The following ZNF597 variants were observed in gnomAD, a reference collection of about 807,000 sequenced individuals.
ZNF597 encodes zinc finger protein 597.
A neutral mutation model predicts 7.3 loss-of-function variants in ZNF597; 5 were observed. The ratio of observed to expected loss-of-function variants is 0.68; its 90% CI spans 0.36 to 1.44. The LOEUF is 1.44. ZNF597 is among the 40% of genes most tolerant of loss of function. The probability of loss-of-function intolerance (pLI) is 0.04; values close to 1 mark genes in which losing one functional copy is unlikely to be tolerated. For missense variants in ZNF597, 585 were observed against 517.9 expected, an observed-to-expected ratio of 1.13 and a Z score of -1.26; for synonymous variants, 209 against 185.4, an observed-to-expected ratio of 1.13 and a Z score of -1.04.
rs193062759 is a variant in ZNF597, at chr16:3,443,498, A to G, written c.-192T>C. On this transcript the variant is annotated 5_prime_UTR_variant, in exon 1 of 4. Transcript: ENST00000301744. The stretch of plus-strand genomic sequence containing the variant: ...TGCTCCTTTACGCAGGAGCTGCGGG[A>G]AAAGCCGCCGGAAGCGACCCGCCCT... The G allele has an allele frequency of 5.9e-6, 3 of 505,374 alleles. No homozygotes were observed. In the East Asian group the frequency reaches 1.0e-4, roughly 17 times the overall value. 31.3% of individuals were successfully genotyped at this position (505,374 alleles called of 1,614,324 possible).
intron 2 of ZNF597, among the ~76,000 whole-genome samples, chr16:3,441,778 AAAC>A (rs1309670074): frequency 1.3e-5 from 2 of 151,464 alleles, no homozygotes; most frequent in African/African-American, 2.4e-5. Flanking sequence ...AACAAAAACA[AAAC>A]AACAACAAAA....
chr16:3,442,531 A>C (rs8048531), intron 2 of ZNF597, among the ~76,000 whole-genome samples: 1,564 of 152,010 alleles, frequency 0.01, 20 homozygotes, highest in African/African-American at 0.035. Context: ...AAAAATTAGC[A>C]GGGCGTGGCG....
intron 3 of ZNF597, among the ~76,000 whole-genome samples, chr16:3,440,378 G>A (rs1398220275): frequency 1.3e-5 from 2 of 152,208 alleles, no homozygotes; most frequent in African/African-American, 2.4e-5. Context: ...GCTCATGCCT[G>A]TAATCCCAGC....
rs553765569 is a variant in ZNF597 at position 3,440,702 on chromosome 16, C to T, written c.160+105G>A. Reference sequence around the variant, plus strand: ...ACAATTATCACCTCCACATAAATTACTGAGGGACAGGTCCCACTCCACCAT... The same window carrying T: ...ACAATTATCACCTCCACATAAATTATTGAGGGACAGGTCCCACTCCACCAT... On this transcript the variant is annotated intron_variant, in intron 3 of 3. Coordinates refer to ENST00000301744, the MANE Select transcript of ZNF597 (RefSeq NM_152457.3). 17 of 1,405,564 alleles carry T rather than the reference C, an allele frequency of 1.2e-5. No individual in the cohort carries two copies. In the African/African-American group the frequency reaches 2.0e-4, roughly 17 times the overall value. The allele number at this position is 1,405,564 out of a possible 1,614,324, so 87.1% of individuals were successfully genotyped here. A position where few individuals can be genotyped will look rare whatever the true frequency, so the allele number is the denominator to read the frequency against.
chr16:3,441,158 C>T (rs1292358915), intron 2 of ZNF597, among the ~76,000 whole-genome samples: 1 of 152,234 alleles, frequency 6.6e-6, no homozygotes. Context: ...GGTACAAGGA[C>T]GGTGGACTGT....
chr16:3,442,593 T>G (rs1282497175), intron 2 of ZNF597, among the ~76,000 whole-genome samples: 1 of 150,810 alleles, frequency 6.6e-6, no homozygotes, highest in Non-Finnish European at 1.5e-5. Context: ...GAGAATGGCA[T>G]GAACCCGGGA....
At chr16:3,437,675 C>G in intron 3 of ZNF597, 137 bp from the exon 4 acceptor site, 2 of 1,371,336 alleles carry the variant, frequency 1.5e-6, no homozygotes, top group Non-Finnish European at 1.9e-6. Flanking sequence ...ACTAACCACA[C>G]AAAATCAGGA....
chr16:3,442,697 T>C lies in ZNF597; in HGVS notation c.33+424A>G, dbSNP rs923936054. 8.6e-5 allele frequency among the ~76,000 whole-genome samples: 13 copies of C among 151,322 alleles called. No homozygotes were observed. In the East Asian group the frequency reaches 1.4e-3, roughly 16 times the overall value. ...ATCAAAAAAAAAAAAAAAAGAACTT[T>C]TAAAAGTAGCCAGACACTGTGGTAT... On this transcript the variant is annotated intron_variant, in intron 2 of 3. Coordinates refer to ENST00000301744, the MANE Select transcript of ZNF597 (RefSeq NM_152457.3).
chr16:3,437,596 G>T (rs1273538769), intron 3 of ZNF597, 58 bp from the exon 4 acceptor site: 1 of 1,515,082 alleles, frequency 6.6e-7, no homozygotes, highest in African/African-American at 1.4e-5. Flanking sequence ...GGATACTGGG[G>T]AAAAAGTAAG....
chr16:3,443,191 G>T lies in ZNF597; in HGVS notation c.-38C>A. The T allele has an allele frequency of 4.4e-6, 7 of 1,602,948 alleles. No homozygotes were observed. The highest frequency in any genetic ancestry group is 6.0e-6 in the Non-Finnish European group (7 of 1,174,038). ...GAATGCCTTCTTCAAGACGCCACAG[G>T]GACTTCGTGACAAAGCTGCGGGGGG... On this transcript the variant is annotated 5_prime_UTR_variant, in exon 2 of 4. Transcript: ENST00000301744.
At chr16:3,438,815 C>T (rs1007574216) in intron 3 of ZNF597, among the ~76,000 whole-genome samples, 1 of 152,072 alleles carries the variant, frequency 6.6e-6, no homozygotes, top group African/African-American at 2.4e-5. Context: ...TAATATTTTC[C>T]AAGTATTCTT....
rs547242774 is a variant in ZNF597, at chr16:3,432,464, C to T, written c.*3960G>A. The T allele has an allele frequency of 6.6e-6, 1 of 152,158 alleles. No homozygotes were observed. Among genetic ancestry groups the T allele is most frequent in the South Asian group, 2.1e-4 (1 of 4,828 alleles). 9.4% of individuals were successfully genotyped at this position (152,158 alleles called of 1,614,324 possible). A position where few individuals can be genotyped will look rare whatever the true frequency, so the allele number is the denominator to read the frequency against. On this transcript the variant is annotated 3_prime_UTR_variant, in exon 4 of 4. Coordinates refer to ENST00000301744, the MANE Select transcript of ZNF597 (RefSeq NM_152457.3). ...AATAGAAGCCAAATTGCACATTAGA[C>T]GTAATCAATAACTTCAGAGCTTGCA...
At chr16:3,442,985 C>T in intron 2 of ZNF597, 136 bp downstream of exon 2, 2 of 1,019,338 alleles carry the variant, frequency 2.0e-6, no homozygotes, top group South Asian at 1.3e-5. Flanking sequence ...GAACGAAGAA[C>T]ACTTGGTCAA....
At position 3,443,469 on chromosome 16, in the gene ZNF597, C is replaced by G; in HGVS notation, c.-163G>C. ...ACGGCCACTGCAAAACTCCCACGCT[C>G]TCATGCTCCTTTACGCAGGAGCTGC... On this transcript the variant is annotated 5_prime_UTR_variant, in exon 1 of 4. Transcript: ENST00000301744. The G allele has an allele frequency of 1.9e-6, 1 of 524,914 alleles. No individual in the cohort carries two copies. Among genetic ancestry groups the G allele is most frequent in the Non-Finnish European group, 3.3e-6 (1 of 300,984 alleles). The allele number at this position is 524,914 out of a possible 1,614,324, so 32.5% of individuals were successfully genotyped here. A position where few individuals can be genotyped will look rare whatever the true frequency, so the allele number is the denominator to read the frequency against.
intron 3 of ZNF597, 58 bp from the exon 4 acceptor site, chr16:3,437,596 G>GA: frequency 1.3e-6 from 2 of 1,515,210 alleles, no homozygotes; most frequent in Non-Finnish European, 1.8e-6. Flanking sequence ...GGATACTGGG[G>GA]AAAAAGTAAG....
intron 2 of ZNF597, among the ~76,000 whole-genome samples, chr16:3,441,466 C>A (rs923293457): frequency 6.6e-6 from 1 of 152,154 alleles, no homozygotes; most frequent in Non-Finnish European, 1.5e-5. Flanking sequence ...GCGAGTGGAT[C>A]ACCTGAGGTC....
chr16:3,437,420 G>T lies in ZNF597; in HGVS notation c.279C>A (p.Ser93=). Residue 93 remains serine (S), a synonymous_variant, in exon 4 of 4, where the codon TCC becomes TCA. Coordinates refer to ENST00000301744, the MANE Select transcript of ZNF597 (RefSeq NM_152457.3). ...CAGGGTTTCCAACTCCATCCTCAGA[G>T]GATTTTTCTGGGTAAGGGACAAGGG... ...AAPLVPYPEK[S]SEDGVGNPEA... 6.2e-7 allele frequency: 1 copy of T among 1,614,108 alleles called. No homozygotes were observed. Among genetic ancestry groups the T allele is most frequent in the Non-Finnish European group, 8.5e-7 (1 of 1,180,024 alleles).
At position 3,440,466 on chromosome 16, in the gene ZNF597, C is replaced by G. The variant is rs550190041; in HGVS notation, c.160+341G>C. 1.1e-3 allele frequency among the ~76,000 whole-genome samples: 160 copies of G among 152,196 alleles called. 1 individual carries two copies. Among genetic ancestry groups the G allele is most frequent in the Admixed American group, 1.8e-3 (28 of 15,282 alleles). The stretch of plus-strand genomic sequence containing the variant: ...TGGCTAACACGGTGAAACCCTGTCT[C>G]TACTAAAAATACAAAAAATTAGCTG... On this transcript the variant is annotated intron_variant, in intron 3 of 3. Coordinates refer to ENST00000301744, the MANE Select transcript of ZNF597 (RefSeq NM_152457.3).
In ZNF597 at chr16:3,435,295, G is replaced by A. The variant is rs904778109; in HGVS notation, c.*1129C>T. 1.3e-5 allele frequency: 2 copies of A among 152,204 alleles called. No individual in the cohort carries two copies. Among genetic ancestry groups the A allele is most frequent in the African/African-American group, 4.8e-5 (2 of 41,446 alleles). 9.4% of individuals were successfully genotyped at this position (152,204 alleles called of 1,614,324 possible). A position where few individuals can be genotyped will look rare whatever the true frequency, so the allele number is the denominator to read the frequency against. ...AGTCAGGCTTTGGGTACAGCACAAAGGGAATGAAGGGGTTCCAGGATGCAA... is the reference window on the plus strand; with the variant it reads ...AGTCAGGCTTTGGGTACAGCACAAAAGGAATGAAGGGGTTCCAGGATGCAA... On this transcript the variant is annotated 3_prime_UTR_variant, in exon 4 of 4. Coordinates refer to ENST00000301744, the MANE Select transcript of ZNF597 (RefSeq NM_152457.3).
Sources: allele counts gnomAD v4.1 joint callset (sites outside exome capture counted in the v4.1 genomes callset), GRCh38; gene constraint gnomAD v4.1.1; transcripts MANE v1.5; gene names NCBI Gene and HGNC (gene_info 2026-07-23, HGNC 2026-07-21).